PPP2R2B: variants seen among roughly 807,000 people sequenced by gnomAD.
PPP2R2B encodes the protein protein phosphatase 2 regulatory subunit Bbeta, also known as serine/threonine-protein phosphatase 2A 55 kDa regulatory subunit B beta isoform.
PPP2R2B carries 5 observed loss-of-function variants against 46.0 expected under a neutral mutation model. The observed-to-expected ratio is 0.11, with a 90% CI of 0.06 to 0.23. The LOEUF (loss-of-function observed/expected upper bound fraction) is 0.23. Ranked by LOEUF, PPP2R2B falls within the 10% of genes least tolerant of loss-of-function variation. PPP2R2B has a pLI of 1.00. For missense variants in PPP2R2B, 367 were observed against 575.0 expected, an observed-to-expected ratio of 0.64 and a Z score of 3.70; for synonymous variants, 215 against 206.7, an observed-to-expected ratio of 1.04 and a Z score of -0.34.
chr5:146,607,434 C>A (rs1772399049), intron 7 of PPP2R2B, among the ~76,000 whole-genome samples: 1 of 152,208 alleles, frequency 6.6e-6, no homozygotes, highest in African/African-American at 2.4e-5. Flanking sequence ...TTAACCCTTG[C>A]AGTTTGCTTT....
At chr5:146,893,927 T>C (rs2151430132) in intron 1 of PPP2R2B, among the ~76,000 whole-genome samples, 1 of 149,952 alleles carries the variant, frequency 6.7e-6, no homozygotes, top group South Asian at 2.1e-4. Context: ...GTACCTCTAA[T>C]TCCAGCTACT....
At chr5:146,880,737 A>T (rs545812673), upstream of PPP2R2B, among the ~76,000 whole-genome samples, 1 of 152,212 alleles carries the variant, frequency 6.6e-6, no homozygotes, top group South Asian at 2.1e-4. Flanking sequence ...ACCAATGGGG[A>T]GAATGTCCCT....
chr5:146,676,612 G>C (rs1359417948), intron 5 of PPP2R2B, among the ~76,000 whole-genome samples: 1 of 152,104 alleles, frequency 6.6e-6, no homozygotes, highest in Non-Finnish European at 1.5e-5. Flanking sequence ...CCCATCATCT[G>C]CTCTCCTGTA....
upstream of PPP2R2B, among the ~76,000 whole-genome samples, chr5:146,882,068 G>A (rs1224308147): frequency 1.3e-5 from 2 of 152,060 alleles, no homozygotes; most frequent in African/African-American, 4.8e-5. Flanking sequence ...ATGAGGTCAG[G>A]AGATCGAGGC....
chr5:146,809,286 C>G (rs777321684), intron 2 of PPP2R2B, among the ~76,000 whole-genome samples: 1 of 152,140 alleles, frequency 6.6e-6, no homozygotes, highest in Admixed American at 6.5e-5. Flanking sequence ...TCACAACTGT[C>G]TCTCTGACAG....
rs551312817 is a variant in PPP2R2B at position 147,031,891 on chromosome 5, C to T, written c.79+23774G>A. 1.0e-3 allele frequency among the ~76,000 whole-genome samples: 157 copies of T among 152,186 alleles called. 1 individual carries two copies. The highest frequency in any genetic ancestry group is 3.5e-3 in the African/African-American group (146 of 41,524). Reference sequence around the variant, plus strand: ...CTCAACTCTCACCTTATTCAAAAATCGACTCAAGATGGATTAACAAGCTAA... The same window carrying T: ...CTCAACTCTCACCTTATTCAAAAATTGACTCAAGATGGATTAACAAGCTAA... On this transcript the variant is annotated intron_variant, in intron 1 of 8. Coordinates refer to the PPP2R2B transcript ENST00000336640.
intron 7 of PPP2R2B, among the ~76,000 whole-genome samples, chr5:146,618,566 C>T (rs553366345): frequency 6.6e-6 from 1 of 152,334 alleles, no homozygotes; most frequent in Non-Finnish European, 1.5e-5. Context: ...TTCATGAATT[C>T]CCCCTTCAAC....
intron 5 of PPP2R2B, among the ~76,000 whole-genome samples, chr5:146,660,145 C>T (rs1186476634): frequency 3.3e-5 from 5 of 152,110 alleles, no homozygotes; most frequent in African/African-American, 1.2e-4. Context: ...ATCAAAGCAA[C>T]CTGGGGGGCA....
intron 7 of PPP2R2B, among the ~76,000 whole-genome samples, chr5:146,630,421 C>A (rs914169094): frequency 6.6e-6 from 1 of 152,170 alleles, no homozygotes. Flanking sequence ...CAGAAACCAG[C>A]AGGTGTTTAA....
intron 1 of PPP2R2B, chr5:147,054,668 T>A (rs746071504): frequency 1.9e-4 from 87 of 456,114 alleles, no homozygotes; most frequent in Non-Finnish European, 1.6e-4. Context: ...ACCTGGAGGA[T>A]GAAAACAAGA....
At chr5:146,957,592 T>G (rs1751970476) in intron 1 of PPP2R2B, among the ~76,000 whole-genome samples, 1 of 152,142 alleles carries the variant, frequency 6.6e-6, no homozygotes, top group Non-Finnish European at 1.5e-5. Flanking sequence ...TTTGCATGAT[T>G]GTTGGAGATA....
intron 1 of PPP2R2B, among the ~76,000 whole-genome samples, chr5:146,984,204 C>A (rs1204680860): frequency 6.6e-6 from 1 of 152,150 alleles, no homozygotes; most frequent in Non-Finnish European, 1.5e-5. Flanking sequence ...ACTTATTTCT[C>A]TTGTTTACTG....
At chr5:146,907,522 C>T (rs1295327365) in intron 1 of PPP2R2B, among the ~76,000 whole-genome samples, 1 of 152,210 alleles carries the variant, frequency 6.6e-6, no homozygotes, top group Non-Finnish European at 1.5e-5. Flanking sequence ...CTCTGTGCTG[C>T]CTGGTCATCA....
chr5:146,656,919 CTTA>C (rs773783484), intron 5 of PPP2R2B, among the ~76,000 whole-genome samples: 4 of 152,154 alleles, frequency 2.6e-5, no homozygotes, highest in Non-Finnish European at 1.5e-5. Flanking sequence ...CCCTCAGGTT[CTTA>C]TTATCTTTCC....
intron 2 of PPP2R2B, among the ~76,000 whole-genome samples, chr5:146,863,013 C>T (rs990099398): frequency 4.6e-5 from 7 of 150,974 alleles, no homozygotes; most frequent in African/African-American, 9.7e-5. Context: ...AAGTACAATA[C>T]GATAATCAGA....
chr5:146,825,597 G>A (rs138978587), intron 2 of PPP2R2B, among the ~76,000 whole-genome samples: 2,552 of 152,246 alleles, frequency 0.017, 24 homozygotes, highest in Middle Eastern at 0.034. Context: ...AATACTTATG[G>A]ATGGATTGAA....
At chr5:146,808,517 G>A (rs1188750279) in intron 2 of PPP2R2B, among the ~76,000 whole-genome samples, 1 of 152,100 alleles carries the variant, frequency 6.6e-6, no homozygotes, top group Non-Finnish European at 1.5e-5. Context: ...TAAGAGGTAA[G>A]AGGCTGTCTG....
chr5:146,894,832 G>T (rs319177), intron 1 of PPP2R2B, among the ~76,000 whole-genome samples: 1 of 151,914 alleles, frequency 6.6e-6, no homozygotes, highest in Non-Finnish European at 1.5e-5. Flanking sequence ...CCTAAATGTA[G>T]GTCAAGGATA....
chr5:146,801,546 G>A (rs1756866712), intron 2 of PPP2R2B, among the ~76,000 whole-genome samples: 1 of 152,140 alleles, frequency 6.6e-6, no homozygotes, highest in African/African-American at 2.4e-5. Flanking sequence ...CTTGGATGGG[G>A]AAATCACCAT....
Sources: allele counts gnomAD v4.1 joint callset (sites outside exome capture counted in the v4.1 genomes callset), GRCh38; gene constraint gnomAD v4.1.1; transcripts MANE v1.5; gene names NCBI Gene and HGNC (gene_info 2026-07-23, HGNC 2026-07-21).